The following ETFA variants were observed in gnomAD, a reference collection of about 807,000 sequenced individuals.
ETFA encodes the protein electron transfer flavoprotein subunit alpha, mitochondrial.
ETFA carries 22 observed loss-of-function variants against 46.2 expected under a neutral mutation model. The observed-to-expected ratio is 0.48, with a 90% CI of 0.34 to 0.68. The LOEUF (loss-of-function observed/expected upper bound fraction) is 0.68, where lower values mean the gene tolerates loss of function less well. Among genes scored for constraint, ETFA ranks in the 30% least tolerant of loss-of-function variants. The pLI is 0.01. For synonymous variants in ETFA, 131 were observed against 139.9 expected (o/e 0.94, Z 0.45); for missense variants, 345 against 401.1 (o/e 0.86, Z 1.19).
In ETFA at chr15:76,296,910, G is replaced by A. The variant is rs115984179; in HGVS notation, c.40-1173C>T. On this transcript the variant is annotated intron_variant, in intron 1 of 11. Transcript: ENST00000557943. ...GCTACAGATCATGAAGTACAGTCAAGTGGGGAAGGAAGGAAGTTCAGGTGT... is the reference window on the plus strand; with the variant it reads ...GCTACAGATCATGAAGTACAGTCAAATGGGGAAGGAAGGAAGTTCAGGTGT... Among the ~76,000 whole-genome samples the A allele has an allele frequency of 3.5e-3, 538 of 152,332 alleles. 3 individuals are homozygous for A. The highest frequency in any genetic ancestry group is 0.012 in the African/African-American group (513 of 41,570).
chr15:76,274,122 T>G (rs2039569534), intron 9 of ETFA: 3 of 380,288 alleles, frequency 7.9e-6, no homozygotes, highest in Admixed American at 4.0e-5. Flanking sequence ...AAATCTGAGT[T>G]GATAAAATGC....
intron 9 of ETFA, among the ~76,000 whole-genome samples, chr15:76,247,470 T>A (rs925761918): frequency 1.3e-5 from 2 of 152,192 alleles, no homozygotes; most frequent in East Asian, 3.8e-4. Context: ...CTTCTTAGGA[T>A]CCAATAGTAA....
At chr15:76,269,185 A>T (rs2039503219) in intron 9 of ETFA, among the ~76,000 whole-genome samples, 1 of 152,206 alleles carries the variant, frequency 6.6e-6, no homozygotes, top group Admixed American at 6.5e-5. Context: ...CGTCAAGAAC[A>T]AGCAATGATA....
chr15:76,255,330 A>G (rs1045364011), intron 9 of ETFA, among the ~76,000 whole-genome samples: 2 of 152,258 alleles, frequency 1.3e-5, no homozygotes, highest in African/African-American at 4.8e-5. Flanking sequence ...ATTTTAACAT[A>G]AATGACATGA....
intron 9 of ETFA, among the ~76,000 whole-genome samples, chr15:76,240,048 G>A (rs1410814086): frequency 6.6e-6 from 1 of 152,186 alleles, no homozygotes; most frequent in Non-Finnish European, 1.5e-5. Context: ...AATTATTTTT[G>A]TTGTTGTTGT....
intron 9 of ETFA, among the ~76,000 whole-genome samples, chr15:76,241,928 C>T (rs548400856): frequency 2.0e-5 from 3 of 150,828 alleles, no homozygotes; most frequent in Admixed American, 2.0e-4. Flanking sequence ...CCTCCGCCTC[C>T]TGGGTTCAAG....
intron 4 of ETFA, among the ~76,000 whole-genome samples, chr15:76,290,686 C>T (rs2141537306): frequency 6.6e-6 from 1 of 152,182 alleles, no homozygotes; most frequent in African/African-American, 2.4e-5. Context: ...CAATTCATGC[C>T]ATATTATCCC....
chr15:76,227,759 A>G (rs1183047896), intron 10 of ETFA: 5 of 450,610 alleles, frequency 1.1e-5, no homozygotes, highest in African/African-American at 8.0e-5. Flanking sequence ...AAATACATTA[A>G]GTATTTTGAT....
chr15:76,251,958 A>G (rs780548452), intron 9 of ETFA, among the ~76,000 whole-genome samples: 8 of 152,206 alleles, frequency 5.3e-5, no homozygotes, highest in Non-Finnish European at 7.3e-5. Flanking sequence ...AGCCTTCTTT[A>G]TAAGGACTCA....
At chr15:76,289,131 G>C (rs1242759109) in intron 4 of ETFA, among the ~76,000 whole-genome samples, 1 of 151,938 alleles carries the variant, frequency 6.6e-6, no homozygotes, top group Non-Finnish European at 1.5e-5. Context: ...GCGGGGTCTT[G>C]CGTTGTTGTC....
At chr15:76,240,611 CA>C (rs2039175950) in intron 9 of ETFA, among the ~76,000 whole-genome samples, 3 of 152,020 alleles carry the variant, frequency 2.0e-5, no homozygotes, top group Admixed American at 2.0e-4. Context: ...AAACACAATT[CA>C]AAAATTTAAA....
chr15:76,249,467 A>G (rs1596199130), intron 9 of ETFA, among the ~76,000 whole-genome samples: 8 of 74,596 alleles, frequency 1.1e-4, no homozygotes, highest in South Asian at 1.0e-3. Flanking sequence ...TTTTAGATGG[A>G]GTCTCGTTCT....
intron 9 of ETFA, among the ~76,000 whole-genome samples, chr15:76,251,735 T>A (rs531093093): frequency 6.6e-6 from 1 of 152,306 alleles, no homozygotes; most frequent in East Asian, 1.9e-4. Flanking sequence ...TGATAAAATT[T>A]CCTTTGAAGA....
chr15:76,290,874 T>C (rs758977828), intron 4 of ETFA, among the ~76,000 whole-genome samples: 1 of 152,192 alleles, frequency 6.6e-6, no homozygotes, highest in African/African-American at 2.4e-5. Context: ...CTACACGCAG[T>C]CTTCCTAATA....
intron 11 of ETFA, among the ~76,000 whole-genome samples, chr15:76,225,007 T>C (rs2142107318): frequency 6.6e-6 from 1 of 150,638 alleles, no homozygotes; most frequent in African/African-American, 2.4e-5. Flanking sequence ...GTGTGAGGAG[T>C]GAGAAATAAG....
At chr15:76,242,963 G>A (rs777584825) in intron 9 of ETFA, among the ~76,000 whole-genome samples, 5 of 152,188 alleles carry the variant, frequency 3.3e-5, no homozygotes, top group Non-Finnish European at 7.3e-5. Flanking sequence ...ATGGCTGCAC[G>A]TTGTGAATGT....
At chr15:76,246,237 T>TA (rs1272838491) in intron 9 of ETFA, among the ~76,000 whole-genome samples, 1 of 152,218 alleles carries the variant, frequency 6.6e-6, no homozygotes, top group Non-Finnish European at 1.5e-5. Flanking sequence ...TTATCACCAT[T>TA]GTATAGTTGA....
rs189989499 is a variant in ETFA, at chr15:76,215,371, T to A, written c.*1188A>T. 8 of 152,264 alleles carry A rather than the reference T, an allele frequency of 5.3e-5. No individual in the cohort carries two copies. In the East Asian group the frequency reaches 1.5e-3, roughly 29 times the overall value. The allele number at this position is 152,264 out of a possible 1,614,324, so 9.4% of individuals were successfully genotyped here. A position where few individuals can be genotyped will look rare whatever the true frequency, so the allele number is the denominator to read the frequency against. On this transcript the variant is annotated 3_prime_UTR_variant, in exon 12 of 12. Transcript: ENST00000557943. ...CCAAAGATACAACTTTTAAAAGTGT[T>A]TTATAGCAACTGATTGTGACACAAA...
Position 76,267,623 on chromosome 15 carries a change from T to C in ETFA, c.816+6789A>G, listed in dbSNP as rs2039484550. ...CAACAGCAAGTTTTTCAAACTGACA[T>C]TGCTTAAAGAGCTAATCCTACTTTA... On this transcript the variant is annotated intron_variant, in intron 9 of 11. Transcript: ENST00000557943. Among the ~76,000 whole-genome samples the C allele has an allele frequency of 2.6e-5, 4 of 152,256 alleles. No homozygotes were observed. The South Asian group carries it at 8.3e-4, about 32-fold the overall frequency.
Sources: allele counts gnomAD v4.1 joint callset (sites outside exome capture counted in the v4.1 genomes callset), GRCh38; gene constraint gnomAD v4.1.1; transcripts MANE v1.5; gene names NCBI Gene and HGNC (gene_info 2026-07-23, HGNC 2026-07-21).